The following MACROD1 variants were observed in gnomAD, a reference collection of about 807,000 sequenced individuals.
The protein encoded by MACROD1 is ADP-ribose glycohydrolase MACROD1.
Under a neutral mutation model 41.4 loss-of-function variants are expected in MACROD1, and 31 were observed. That is an observed-to-expected ratio of 0.75 (90% CI 0.56 to 1.01). MACROD1 has a LOEUF of 1.01. Ranked by LOEUF, MACROD1 falls within the 50% of genes least tolerant of loss-of-function variation. The pLI is 0.00. For missense variants in MACROD1, 473 were observed against 460.0 expected, an observed-to-expected ratio of 1.03 and a Z score of -0.26; for synonymous variants, 252 against 203.4, an observed-to-expected ratio of 1.24 and a Z score of -2.03.
chr11:64,161,529 G>A (rs2134733686), intron 1 of MACROD1, among the ~76,000 whole-genome samples: 1 of 152,320 alleles, frequency 6.6e-6, no homozygotes, highest in South Asian at 2.1e-4. Context: ...AGTGTGATTT[G>A]AATGTAACGA....
intron 3 of MACROD1, among the ~76,000 whole-genome samples, chr11:64,056,308 G>A (rs892150993): frequency 3.9e-5 from 6 of 152,042 alleles, no homozygotes; most frequent in South Asian, 2.1e-4. Flanking sequence ...GCCCCTACAC[G>A]TTTTGCTTCC....
intron 3 of MACROD1, among the ~76,000 whole-genome samples, chr11:64,020,210 G>T (rs1943135108): frequency 6.6e-6 from 1 of 152,126 alleles, no homozygotes; most frequent in Non-Finnish European, 1.5e-5. Context: ...AAGGTGGAAT[G>T]CCTGGGCCCA....
At chr11:64,102,229 C>T (rs553009851) in intron 3 of MACROD1, among the ~76,000 whole-genome samples, 10 of 152,288 alleles carry the variant, frequency 6.6e-5, no homozygotes, top group Non-Finnish European at 1.5e-4. Context: ...GACACCAGGG[C>T]GCCGCGGCCC....
chr11:64,159,354 G>A (rs550943524), intron 1 of MACROD1, among the ~76,000 whole-genome samples: 101 of 151,468 alleles, frequency 6.7e-4, no homozygotes, highest in African/African-American at 2.3e-3. Flanking sequence ...AAAATTAGCC[G>A]GTGTAGTGGC....
chr11:64,164,240 C>T (rs1041328610), intron 1 of MACROD1, among the ~76,000 whole-genome samples: 1 of 152,234 alleles, frequency 6.6e-6, no homozygotes, highest in African/African-American at 2.4e-5. Context: ...ATTGGAAATC[C>T]CACCTCGAAG....
At chr11:64,118,142 C>A in intron 3 of MACROD1, 1 of 1,613,842 alleles carries the variant, frequency 6.2e-7, no homozygotes, top group Non-Finnish European at 8.5e-7. Context: ...TGCCCATCAA[C>A]CCGTACCGCG....
chr11:64,057,876 T>A (rs1943819436), intron 3 of MACROD1, among the ~76,000 whole-genome samples: 1 of 152,204 alleles, frequency 6.6e-6, no homozygotes, highest in Admixed American at 6.5e-5. Flanking sequence ...CACGAATTCG[T>A]GAGGTCACAG....
At chr11:64,056,564 A>G (rs868767401) in intron 3 of MACROD1, among the ~76,000 whole-genome samples, 52 of 152,304 alleles carry the variant, frequency 3.4e-4, no homozygotes, top group African/African-American at 1.1e-3. Flanking sequence ...CCCAAACCTC[A>G]TGCCCCAAAG....
chr11:64,161,445 G>A (rs1485404755), intron 1 of MACROD1, among the ~76,000 whole-genome samples: 1 of 152,216 alleles, frequency 6.6e-6, no homozygotes, highest in African/African-American at 2.4e-5. Context: ...AGTAGTGACT[G>A]CACAGTTGCA....
At chr11:64,145,292 C>T (rs567088753) in intron 3 of MACROD1, among the ~76,000 whole-genome samples, 14 of 152,300 alleles carry the variant, frequency 9.2e-5, no homozygotes, top group East Asian at 7.7e-4. Context: ...CTAGCTGACC[C>T]GCCTCGCCTC....
Position 64,049,823 on chromosome 11 carries a change from C to A in MACROD1, c.518-34542G>T, listed in dbSNP as rs377217091. 1.2e-3 allele frequency among the ~76,000 whole-genome samples: 188 copies of A among 152,310 alleles called. 1 individual carries two copies. The highest frequency in any genetic ancestry group is 4.1e-3 in the African/African-American group (169 of 41,580). The stretch of plus-strand genomic sequence containing the variant: ...TGAAGTCGTCTCTGCAGACTCCCTG[C>A]TTGCTAGGGCTGGGGCCTGGCTGAG... On this transcript the variant is annotated intron_variant, in intron 3 of 10. Coordinates refer to ENST00000255681, the MANE Select transcript of MACROD1 (RefSeq NM_014067.4).
intron 3 of MACROD1, among the ~76,000 whole-genome samples, chr11:64,091,473 C>A (rs564018080): frequency 9.8e-6 from 1 of 102,502 alleles, no homozygotes. Context: ...ATGTGGGGGA[C>A]GAGCCTACAG....
chr11:64,026,192 C>A (rs1212401650), intron 3 of MACROD1, among the ~76,000 whole-genome samples: 1 of 152,040 alleles, frequency 6.6e-6, no homozygotes, highest in Non-Finnish European at 1.5e-5. Flanking sequence ...GGAAAACAAA[C>A]AAACAAAAAT....
At chr11:64,052,248 C>T (rs1170855433) in intron 3 of MACROD1, among the ~76,000 whole-genome samples, 2 of 151,618 alleles carry the variant, frequency 1.3e-5, no homozygotes, top group Non-Finnish European at 2.9e-5. Flanking sequence ...TAAGCATTGT[C>T]GGGGTGGGGG....
intron 3 of MACROD1, among the ~76,000 whole-genome samples, chr11:64,124,537 C>T (rs572944006): frequency 9.2e-5 from 14 of 152,346 alleles, no homozygotes; most frequent in African/African-American, 2.9e-4. Context: ...CCTCCCTTTG[C>T]TCTTCCCCCT....
intron 3 of MACROD1, among the ~76,000 whole-genome samples, chr11:64,051,606 G>A (rs928249996): frequency 4.6e-5 from 7 of 152,216 alleles, no homozygotes; most frequent in East Asian, 1.9e-4. Context: ...TGCCACCACC[G>A]CCATTCCTGC....
At chr11:64,087,767 C>T (rs754659781) in intron 3 of MACROD1, among the ~76,000 whole-genome samples, 49 of 152,246 alleles carry the variant, frequency 3.2e-4, no homozygotes, top group Admixed American at 3.9e-4. Context: ...ACGCTGTGCA[C>T]GTCTGAATGA....
At chr11:64,053,137 A>C (rs1943724172) in intron 3 of MACROD1, among the ~76,000 whole-genome samples, 1 of 152,172 alleles carries the variant, frequency 6.6e-6, no homozygotes, top group South Asian at 2.1e-4. Flanking sequence ...TGCAGTCACC[A>C]GGCTCATGCG....
At chr11:64,085,663 C>T (rs1165732828) in intron 3 of MACROD1, among the ~76,000 whole-genome samples, 1 of 152,154 alleles carries the variant, frequency 6.6e-6, no homozygotes, top group Non-Finnish European at 1.5e-5. Context: ...GCCTACCTGC[C>T]TTGGGAAGTG....
Sources: allele counts gnomAD v4.1 joint callset (sites outside exome capture counted in the v4.1 genomes callset), GRCh38; gene constraint gnomAD v4.1.1; transcripts MANE v1.5; gene names NCBI Gene and HGNC (gene_info 2026-07-23, HGNC 2026-07-21).